LNPEP: variants seen among roughly 807,000 people sequenced by gnomAD.
The protein encoded by LNPEP is leucyl and cystinyl aminopeptidase.
Under a neutral mutation model 120.6 loss-of-function variants are expected in LNPEP, and 64 were observed. The observed-to-expected ratio is 0.53, with a 90% CI of 0.43 to 0.65. LNPEP has a LOEUF of 0.65. Ranked by LOEUF, LNPEP falls within the 30% of genes least tolerant of loss-of-function variation. The pLI, the probability that LNPEP is intolerant of heterozygous loss-of-function variation, is 0.00. For missense variants in LNPEP, 1,057 were observed against 1,200.0 expected (o/e 0.88, Z 1.76); for synonymous variants, 435 against 425.4 (o/e 1.02, Z -0.28).
chr5:97,005,640 T>G (rs1054939966), intron 9 of LNPEP, among the ~76,000 whole-genome samples: 1 of 152,210 alleles, frequency 6.6e-6, no homozygotes, highest in African/African-American at 2.4e-5. Flanking sequence ...CAGACTCAGG[T>G]GCTTCACAGG....
chr5:96,966,614 C>T (rs942809702), intron 1 of LNPEP, among the ~76,000 whole-genome samples: 2 of 150,710 alleles, frequency 1.3e-5, no homozygotes, highest in African/African-American at 4.9e-5. Context: ...TAGTATATGT[C>T]GGAACCTCAG....
rs780759281 is a variant in LNPEP, at chr5:97,024,695, C to A, written c.2723+13C>A. The A allele has an allele frequency of 6.2e-7, 1 of 1,609,066 alleles. No homozygotes were observed. On this transcript the variant is annotated intron_variant, in intron 15 of 17. Coordinates refer to ENST00000231368, the MANE Select transcript of LNPEP (RefSeq NM_005575.3). ...GGAAGCTTTACTGGTATGAAATCACCGAGGAATATGATATACAGAAACCAA... is the reference window on the plus strand; with the variant it reads ...GGAAGCTTTACTGGTATGAAATCACAGAGGAATATGATATACAGAAACCAA...
intron 12 of LNPEP, among the ~76,000 whole-genome samples, chr5:97,014,697 G>A (rs1305494244): frequency 6.6e-6 from 1 of 151,950 alleles, no homozygotes; most frequent in African/African-American, 2.4e-5. Context: ...ATTTACAGGA[G>A]ACTTAGGAAT....
At chr5:96,941,313 C>T (rs1789046734) in intron 1 of LNPEP, among the ~76,000 whole-genome samples, 1 of 152,278 alleles carries the variant, frequency 6.6e-6, no homozygotes, top group South Asian at 2.1e-4. Flanking sequence ...GCTGCTCACT[C>T]CTGCTGTGTG....
chr5:97,030,404 CTTTTG>C lies in LNPEP; in HGVS notation c.*1872_*1876del, dbSNP rs1237302122. On this transcript the variant is annotated 3_prime_UTR_variant, in exon 18 of 18. Transcript: ENST00000231368. ...TTTAGAGTGAGGGAAAAATACTAAA[CTTTTG>C]AGAGTTTTGTTGTCGTTGCTGGTTT... 1 of 152,108 alleles carries C rather than the reference CTTTTG, an allele frequency of 6.6e-6. No homozygotes were observed. The highest frequency in any genetic ancestry group is 2.4e-5 in the African/African-American group (1 of 41,426). 9.4% of individuals were successfully genotyped at this position (152,108 alleles called of 1,614,324 possible).
At chr5:97,015,135 T>C (rs1444666515) in intron 13 of LNPEP, 40 bp downstream of exon 13, 3 of 1,433,952 alleles carry the variant, frequency 2.1e-6, no homozygotes, top group African/African-American at 1.4e-5. Context: ...TGTTTATCTT[T>C]AATATTGTTA....
chr5:96,986,111 C>A (rs1790237011), intron 3 of LNPEP, among the ~76,000 whole-genome samples: 1 of 152,170 alleles, frequency 6.6e-6, no homozygotes, highest in South Asian at 2.1e-4. Flanking sequence ...GGGTCCTCAA[C>A]ATGGCACCCC....
At position 97,032,901 on chromosome 5, in the gene LNPEP, C is replaced by G. The variant is rs992261683; in HGVS notation, c.*4368C>G. On this transcript the variant is annotated 3_prime_UTR_variant, in exon 18 of 18. Coordinates refer to ENST00000231368, the MANE Select transcript of LNPEP (RefSeq NM_005575.3). ...GGGCTGGGGTTGTATATTATTCTTT[C>G]AAGTGTGTATAAATATTGTGCCACC... 2.6e-5 allele frequency: 4 copies of G among 152,106 alleles called. No homozygotes were observed. Among genetic ancestry groups the G allele is most frequent in the Non-Finnish European group, 5.9e-5 (4 of 68,028 alleles). The allele number at this position is 152,106 out of a possible 1,614,324, so 9.4% of individuals were successfully genotyped here. A position where few individuals can be genotyped will look rare whatever the true frequency, so the allele number is the denominator to read the frequency against.
chr5:97,018,342 A>G (rs1791114152), intron 13 of LNPEP, among the ~76,000 whole-genome samples: 1 of 152,000 alleles, frequency 6.6e-6, no homozygotes, highest in Admixed American at 6.6e-5. Context: ...TTAGTGCTCA[A>G]GAAGCACTTG....
chr5:97,024,695 C>T lies in LNPEP; in HGVS notation c.2723+13C>T, dbSNP rs780759281. On this transcript the variant is annotated intron_variant, in intron 15 of 17. Coordinates refer to ENST00000231368, the MANE Select transcript of LNPEP (RefSeq NM_005575.3). ...GGAAGCTTTACTGGTATGAAATCAC[C>T]GAGGAATATGATATACAGAAACCAA... 33 of 1,609,066 alleles carry T rather than the reference C, an allele frequency of 2.1e-5. No homozygotes were observed. The highest frequency in any genetic ancestry group is 2.7e-5 in the African/African-American group (2 of 74,660).
Position 97,022,412 on chromosome 5 carries a change from A to G in LNPEP, c.2489A>G (p.His830Arg). Reference protein sequence around the residue: ...RSALLEFACTHNLGNCSTTAM... With the variant: ...RSALLEFACTRNLGNCSTTAM... ...GCCCTGCTAGAGTTTGCTTGCACCC[A>G]CAACCTGGGGAACTGCTCTACTACT... Residue 830 changes from histidine to arginine, a missense_variant, in exon 14 of 18, where the codon CAC becomes CGC. His to Arg is a conservative substitution (Grantham distance 29, BLOSUM62 0). Transcript: ENST00000231368. The G allele has an allele frequency of 6.2e-7, 1 of 1,614,098 alleles. No homozygotes were observed. The highest frequency in any genetic ancestry group is 8.5e-7 in the Non-Finnish European group (1 of 1,179,962).
At chr5:96,948,732 A>G (rs1240223556) in intron 1 of LNPEP, among the ~76,000 whole-genome samples, 1 of 152,210 alleles carries the variant, frequency 6.6e-6, no homozygotes, top group Admixed American at 6.5e-5. Flanking sequence ...AAAAACCATC[A>G]TACTTTGAGA....
intron 1 of LNPEP, among the ~76,000 whole-genome samples, chr5:96,956,554 T>C (rs1789474149): frequency 6.6e-6 from 1 of 152,346 alleles, no homozygotes; most frequent in East Asian, 1.9e-4. Flanking sequence ...TTACCCTGTA[T>C]GTAATATATT....
chr5:96,954,770 A>AT lies in LNPEP; in HGVS notation c.19+18597dup, dbSNP rs1789417391. ...TACACATATATATATATATATATAT[A>AT]TATTTTTTTTTTTTTTTTTTTTTTT... On this transcript the variant is annotated intron_variant, in intron 1 of 17. Transcript: ENST00000231368. Among the ~76,000 whole-genome samples the AT allele has an allele frequency of 1.0e-4, 3 of 29,488 alleles. 1 individual carries two copies. Among genetic ancestry groups the AT allele is most frequent in the East Asian group, 5.2e-4 (1 of 1,940 alleles). 19.3% of individuals were successfully genotyped at this position (29,488 alleles called of 152,430 possible).
intron 16 of LNPEP, among the ~76,000 whole-genome samples, chr5:97,027,266 T>C (rs1480100979): frequency 1.3e-5 from 2 of 151,194 alleles, no homozygotes; most frequent in Non-Finnish European, 2.9e-5. Context: ...GGCAAGAGAA[T>C]GGTGTGAATC....
intron 9 of LNPEP, among the ~76,000 whole-genome samples, chr5:97,004,726 A>G (rs1790737521): frequency 6.6e-6 from 1 of 152,084 alleles, no homozygotes; most frequent in Admixed American, 6.6e-5. Flanking sequence ...TCTAGCTGTT[A>G]GTCTTTTGCC....
intron 1 of LNPEP, among the ~76,000 whole-genome samples, chr5:96,940,456 C>G (rs1042777766): frequency 2.0e-5 from 3 of 149,242 alleles, no homozygotes; most frequent in African/African-American, 7.4e-5. Context: ...AAAAAAAAAC[C>G]CACAACCTCG....
chr5:97,001,686 G>A (rs1422183979), intron 8 of LNPEP, among the ~76,000 whole-genome samples: 1 of 152,144 alleles, frequency 6.6e-6, no homozygotes. Flanking sequence ...ACGAGACCGA[G>A]AAGGATGGCC....
At chr5:96,949,124 A>G (rs557420457) in intron 1 of LNPEP, among the ~76,000 whole-genome samples, 1 of 152,364 alleles carries the variant, frequency 6.6e-6, no homozygotes, top group South Asian at 2.1e-4. Context: ...ATTCTTTACT[A>G]AGGGCTTGAG....
Sources: allele counts gnomAD v4.1 joint callset (sites outside exome capture counted in the v4.1 genomes callset), GRCh38; gene constraint gnomAD v4.1.1; transcripts MANE v1.5; gene names NCBI Gene and HGNC (gene_info 2026-07-23, HGNC 2026-07-21).